CARMIL1: variants seen among roughly 807,000 people sequenced by gnomAD.
The protein encoded by CARMIL1 is capping protein regulator and myosin 1 linker 1.
Under a neutral mutation model 177.1 loss-of-function variants are expected in CARMIL1, and 90 were observed. That is an observed-to-expected ratio of 0.51 (90% CI 0.43 to 0.61). CARMIL1 has a LOEUF of 0.61. Ranked by LOEUF, CARMIL1 falls within the 20% of genes least tolerant of loss-of-function variation. CARMIL1 has a pLI of 0.00. For synonymous variants in CARMIL1, 577 were observed against 606.2 expected, an observed-to-expected ratio of 0.95 and a Z score of 0.71; for missense variants, 1,380 against 1,667.0, an observed-to-expected ratio of 0.83 and a Z score of 3.00.
rs540894131 is a variant in CARMIL1 at position 25,371,219 on chromosome 6, T to G, written c.139-48895T>G. Among the ~76,000 whole-genome samples, 10 of 152,296 alleles carry G rather than the reference T, an allele frequency of 6.6e-5. No individual in the cohort carries two copies. The South Asian group carries it at 1.9e-3, about 28-fold the overall frequency. On this transcript the variant is annotated intron_variant, in intron 2 of 36. Transcript: ENST00000329474. ...TGCAATTGTGAATGGTGCTGTGATG[T>G]GTGCACGTGTCTTTTTGATAGAATT...
chr6:25,487,386 T>G (rs1240207841), intron 12 of CARMIL1, among the ~76,000 whole-genome samples: 2 of 152,194 alleles, frequency 1.3e-5, no homozygotes, highest in East Asian at 3.8e-4. Context: ...AAGAAAACCT[T>G]TTCCTGGTTC....
intron 2 of CARMIL1, among the ~76,000 whole-genome samples, chr6:25,309,958 TGG>T (rs1247333521): frequency 6.6e-5 from 10 of 151,842 alleles, no homozygotes; most frequent in African/African-American, 2.2e-4. Context: ...TTAGTAGAGG[TGG>T]GGCTTCACCT....
In CARMIL1 at chr6:25,281,123, CGT is replaced by C. The variant is rs772349175; in HGVS notation, c.40+1292_40+1293del. Among the ~76,000 whole-genome samples, 68 of 123,034 alleles carry C rather than the reference CGT, an allele frequency of 5.5e-4. 3 individuals carry two copies. The South Asian group carries it at 0.02, about 36-fold the overall frequency. The allele number at this position is 123,034 out of a possible 152,430, so 80.7% of individuals were successfully genotyped here. On this transcript the variant is annotated intron_variant, in intron 1 of 36. Transcript: ENST00000329474. ...ATGAAATTATTCACAGACGCACGCGCGTGTGCGCGCGCGCACACACACACACA... is the reference window on the plus strand; with the variant it reads ...ATGAAATTATTCACAGACGCACGCGCGTGCGCGCGCGCACACACACACACA...
Position 25,465,249 on chromosome 6 carries a change from G to A in CARMIL1, c.615-624G>A, listed in dbSNP as rs117872826. ...TTAAAGAGTTTATGAAGGAGGCCAG[G>A]CACTGTGTCTTATGCCTGTAATCTC... is the stretch of plus-strand genomic sequence containing the variant. On this transcript the variant is annotated intron_variant, in intron 8 of 36. Transcript: ENST00000329474. Among the ~76,000 whole-genome samples, 32 of 152,220 alleles carry A rather than the reference G, an allele frequency of 2.1e-4. No individual in the cohort carries two copies. The East Asian group carries it at 6.0e-3, about 29-fold the overall frequency.
chr6:25,567,927 C>A (rs140016981), intron 29 of CARMIL1, among the ~76,000 whole-genome samples: 1 of 152,294 alleles, frequency 6.6e-6, no homozygotes, highest in Non-Finnish European at 1.5e-5. Flanking sequence ...TTCTCAGGTT[C>A]CCTAAATGTG....
At chr6:25,560,815 A>G (rs1037860823) in intron 29 of CARMIL1, among the ~76,000 whole-genome samples, 4 of 152,220 alleles carry the variant, frequency 2.6e-5, no homozygotes, top group African/African-American at 9.6e-5. Flanking sequence ...TGAAATGAAC[A>G]TGTGAACAGA....
rs573313483 is a variant in CARMIL1, at chr6:25,282,140, T to C, written c.40+2305T>C. On this transcript the variant is annotated intron_variant, in intron 1 of 36. Coordinates refer to ENST00000329474, the MANE Select transcript of CARMIL1 (RefSeq NM_017640.6). The stretch of plus-strand genomic sequence containing the variant: ...CAAAAAAAAAAAAAAAAAAAAAAAG[T>C]GTTATAGACTTTATGTAGAAACAAT... 6.3e-5 allele frequency among the ~76,000 whole-genome samples: 9 copies of C among 142,184 alleles called. No individual in the cohort carries two copies. In the East Asian group the frequency reaches 1.4e-3, roughly 22 times the overall value. 93.3% of individuals were successfully genotyped at this position (142,184 alleles called of 152,430 possible). A position where few individuals can be genotyped will look rare whatever the true frequency, so the allele number is the denominator to read the frequency against.
chr6:25,344,585 C>T (rs1382065604), intron 2 of CARMIL1, among the ~76,000 whole-genome samples: 3 of 152,172 alleles, frequency 2.0e-5, no homozygotes, highest in African/African-American at 7.2e-5. Context: ...CTGGCAGTCT[C>T]ATTGTGTTTC....
chr6:25,308,512 G>A (rs1783469230), intron 2 of CARMIL1, among the ~76,000 whole-genome samples: 1 of 151,476 alleles, frequency 6.6e-6, no homozygotes, highest in Non-Finnish European at 1.5e-5. Flanking sequence ...CTCCCGAGTA[G>A]CAGGGACTAC....
chr6:25,597,344 A>C (rs1814954102), intron 32 of CARMIL1, among the ~76,000 whole-genome samples: 1 of 152,170 alleles, frequency 6.6e-6, no homozygotes, highest in Non-Finnish European at 1.5e-5. Context: ...GACAAACCAC[A>C]GGAGTTGGTT....
chr6:25,410,160 A>G (rs1338793238), intron 2 of CARMIL1, among the ~76,000 whole-genome samples: 1 of 150,728 alleles, frequency 6.6e-6, no homozygotes, highest in African/African-American at 2.5e-5. Context: ...GAGAGAAGGA[A>G]AGAAAATATG....
At chr6:25,283,271 C>T (rs1781278600) in intron 1 of CARMIL1, among the ~76,000 whole-genome samples, 1 of 152,026 alleles carries the variant, frequency 6.6e-6, no homozygotes, top group African/African-American at 2.4e-5. Flanking sequence ...CTGGGAGGGA[C>T]GTGATGAATC....
chr6:25,515,871 C>T lies in CARMIL1; in HGVS notation c.1805+24C>T, dbSNP rs1434805479. 1 of 1,575,774 alleles carries T rather than the reference C, an allele frequency of 6.3e-7. No individual in the cohort carries two copies. The highest frequency in any genetic ancestry group is 8.6e-7 in the Non-Finnish European group (1 of 1,160,490). ...AGGTAGGCAGATCCCACCCTCCCTG[C>T]TCATGAGGAAGGCTTGGAGCAGATT... On this transcript the variant is annotated intron_variant, in intron 21 of 36. Coordinates refer to ENST00000329474, the MANE Select transcript of CARMIL1 (RefSeq NM_017640.6). The surrounding 1 kb of genome is among the most constrained non-coding windows in gnomAD (Gnocchi z 5.0).
intron 2 of CARMIL1, among the ~76,000 whole-genome samples, chr6:25,319,090 T>C (rs542663733): frequency 1.3e-5 from 2 of 152,294 alleles, no homozygotes; most frequent in East Asian, 3.9e-4. Context: ...GGAGCTGCCG[T>C]GTTTAAAATT....
intron 8 of CARMIL1, among the ~76,000 whole-genome samples, chr6:25,464,504 G>A (rs1800419380): frequency 6.6e-6 from 1 of 152,176 alleles, no homozygotes; most frequent in Non-Finnish European, 1.5e-5. Flanking sequence ...CCAGAGCTAT[G>A]AGATAATATT....
chr6:25,574,876 A>G (rs575635491), intron 29 of CARMIL1, among the ~76,000 whole-genome samples: 1 of 152,036 alleles, frequency 6.6e-6, no homozygotes, highest in East Asian at 1.9e-4. Context: ...TCTATTTCTT[A>G]TTAATGGCCC....
chr6:25,541,094 G>T (rs914825522), intron 26 of CARMIL1, among the ~76,000 whole-genome samples: 1 of 152,054 alleles, frequency 6.6e-6, no homozygotes, highest in African/African-American at 2.4e-5. Flanking sequence ...GTTTTATCCT[G>T]CATGAAGGAT....
At chr6:25,457,434 C>T (rs2150887060) in intron 8 of CARMIL1, among the ~76,000 whole-genome samples, 1 of 152,272 alleles carries the variant, frequency 6.6e-6, no homozygotes, top group African/African-American at 2.4e-5. Flanking sequence ...TTACATCCTT[C>T]CCAGAGTTGG....
chr6:25,448,865 A>G (rs983446948), intron 5 of CARMIL1, among the ~76,000 whole-genome samples: 4 of 151,986 alleles, frequency 2.6e-5, no homozygotes, highest in African/African-American at 9.7e-5. Flanking sequence ...GTGATAACTA[A>G]TGACAGTATC....
Sources: gnomAD v4.1 joint callset for allele counts (sites outside exome capture counted in the v4.1 genomes callset) on GRCh38, gnomAD v4.1.1 for gene constraint, Gnocchi (gnomAD v3.1) non-coding constraint, MANE v1.5 for transcripts, NCBI Gene and HGNC (gene_info 2026-07-23, HGNC 2026-07-21) for gene names.